The following FAT3 variants were observed in gnomAD, a reference collection of about 807,000 sequenced individuals.
FAT3 encodes the protein protocadherin Fat 3.
In FAT3, 95 loss-of-function variants were observed where a neutral mutation model predicts 310.2. The ratio of observed to expected loss-of-function variants is 0.31; its 90% CI spans 0.26 to 0.36. The LOEUF (loss-of-function observed/expected upper bound fraction) is 0.36, where lower values mean the gene tolerates loss of function less well. Among genes scored for constraint, FAT3 ranks in the 10% least tolerant of loss-of-function variants. FAT3 has a pLI of 1.00. For synonymous variants in FAT3, 2,314 were observed against 2,192.9 expected (o/e 1.06, Z -1.54); for missense variants, 5,408 against 5,715.6 (o/e 0.95, Z 1.74).
intron 3 of FAT3, among the ~76,000 whole-genome samples, chr11:92,532,895 C>T (rs918862843): frequency 3.3e-5 from 5 of 152,066 alleles, no homozygotes; most frequent in African/African-American, 1.2e-4. Flanking sequence ...TCCTTGTGAC[C>T]TCAGGTAGGG....
chr11:92,266,540 G>T (rs1043382229), intron 1 of FAT3, among the ~76,000 whole-genome samples: 3 of 152,046 alleles, frequency 2.0e-5, no homozygotes, highest in Non-Finnish European at 4.4e-5. Flanking sequence ...ATTCTAGCGG[G>T]TATATGTTAT....
chr11:92,432,751 G>A (rs1015747276), intron 2 of FAT3, among the ~76,000 whole-genome samples: 1 of 152,190 alleles, frequency 6.6e-6, no homozygotes, highest in African/African-American at 2.4e-5. Context: ...CTGTCCCTTA[G>A]CTCGAGCACT....
At chr11:92,592,356 C>G (rs868030615) in intron 3 of FAT3, among the ~76,000 whole-genome samples, 2 of 124,998 alleles carry the variant, frequency 1.6e-5, no homozygotes, top group Non-Finnish European at 1.6e-5. Flanking sequence ...GAGTCTCGCT[C>G]TGTCACCCAG....
intron 2 of FAT3, among the ~76,000 whole-genome samples, chr11:92,459,671 A>T (rs538615006): frequency 1.3e-5 from 2 of 152,296 alleles, no homozygotes; most frequent in African/African-American, 4.8e-5. Context: ...ATTTTGGAGC[A>T]GATGGGGTCT....
At chr11:92,678,622 T>C (rs1187547466) in intron 3 of FAT3, among the ~76,000 whole-genome samples, 1 of 152,148 alleles carries the variant, frequency 6.6e-6, no homozygotes, top group East Asian at 1.9e-4. Context: ...ACCAAACTTC[T>C]AATAATGACT....
chr11:92,670,807 A>AT (rs979655331), intron 3 of FAT3, among the ~76,000 whole-genome samples: 1 of 152,222 alleles, frequency 6.6e-6, no homozygotes, highest in African/African-American at 2.4e-5. Flanking sequence ...TTGTCTGGAC[A>AT]TAAAAACACT....
intron 4 of FAT3, among the ~76,000 whole-genome samples, chr11:92,751,203 C>T (rs1262976746): frequency 1.3e-5 from 2 of 152,198 alleles, no homozygotes; most frequent in East Asian, 3.9e-4. Flanking sequence ...TGGTTAGGAG[C>T]ACAGACCCCA....
At chr11:92,558,400 TTATG>T (rs1955096748) in intron 3 of FAT3, among the ~76,000 whole-genome samples, 1 of 78,544 alleles carries the variant, frequency 1.3e-5, no homozygotes, top group Admixed American at 1.5e-4. Context: ...CGTGTTGTGT[TTATG>T]TGTGTGTGTG....
rs138425382 is a variant in FAT3, at chr11:92,368,039, A to T, written c.3292+12635A>T. Among the ~76,000 whole-genome samples the T allele has an allele frequency of 5.9e-5, 9 of 152,370 alleles. No individual in the cohort carries two copies. In the East Asian group the frequency reaches 1.7e-3, roughly 29 times the overall value. ...CAGCAACTTAAAAGTTTGAAAGTCA[A>T]CAAATATGACAGATACCACAAAACT... On this transcript the variant is annotated intron_variant, in intron 2 of 27. Coordinates refer to ENST00000525166, the MANE Select transcript of FAT3 (RefSeq NM_001367949.2).
chr11:92,580,672 A>G lies in FAT3; in HGVS notation c.3607+55724A>G, dbSNP rs185125835. On this transcript the variant is annotated intron_variant, in intron 3 of 27. Transcript: ENST00000525166. ...GTTGGGTGCTTACTAAATATCTATT[A>G]AGTTGGCATCGCCTCCTGCCTCAGT... is the stretch of plus-strand genomic sequence containing the variant. Among the ~76,000 whole-genome samples, 5 of 152,178 alleles carry G rather than the reference A, an allele frequency of 3.3e-5. No homozygotes were observed. The East Asian group carries it at 9.7e-4, about 30-fold the overall frequency.
chr11:92,678,108 C>T (rs1378857898), intron 3 of FAT3, among the ~76,000 whole-genome samples: 1 of 152,142 alleles, frequency 6.6e-6, no homozygotes, highest in Non-Finnish European at 1.5e-5. Context: ...ACAAATCACC[C>T]TGTGCAAATG....
At chr11:92,764,699 CAT>C (rs1946257852) in intron 5 of FAT3, among the ~76,000 whole-genome samples, 178 bp from the exon 6 acceptor site, 1 of 152,202 alleles carries the variant, frequency 6.6e-6, no homozygotes, top group South Asian at 2.1e-4. Flanking sequence ...AAGGTCTGCA[CAT>C]GACTGGGTTG....
chr11:92,672,184 G>A (rs1266618535), intron 3 of FAT3, among the ~76,000 whole-genome samples: 1 of 152,072 alleles, frequency 6.6e-6, no homozygotes, highest in Non-Finnish European at 1.5e-5. Context: ...ATGTTTAACT[G>A]CTAACCAAAC....
At chr11:92,425,706 G>A (rs975205705) in intron 2 of FAT3, among the ~76,000 whole-genome samples, 16 of 152,192 alleles carry the variant, frequency 1.1e-4, no homozygotes, top group African/African-American at 3.1e-4. Context: ...CCCTGCAAAC[G>A]ACATGAACTC....
intron 3 of FAT3, among the ~76,000 whole-genome samples, chr11:92,691,736 C>G (rs1345451507): frequency 2.0e-5 from 3 of 152,084 alleles, no homozygotes; most frequent in African/African-American, 7.2e-5. Context: ...TAACCTCGGG[C>G]AAGTTTATTT....
At chr11:92,376,595 C>G (rs1949353528) in intron 2 of FAT3, among the ~76,000 whole-genome samples, 1 of 152,100 alleles carries the variant, frequency 6.6e-6, no homozygotes, top group South Asian at 2.1e-4. Flanking sequence ...TCATGGGATT[C>G]TTAATAAAGA....
intron 2 of FAT3, among the ~76,000 whole-genome samples, chr11:92,433,412 A>G (rs1316520529): frequency 6.6e-6 from 1 of 152,202 alleles, no homozygotes; most frequent in Non-Finnish European, 1.5e-5. Context: ...GACAGTGGGC[A>G]AAGCGTAGTA....
chr11:92,738,557 C>G (rs1403777104), intron 4 of FAT3, among the ~76,000 whole-genome samples: 1 of 152,180 alleles, frequency 6.6e-6, no homozygotes, highest in Admixed American at 6.5e-5. Context: ...TGCAGGTCCT[C>G]AAGGAGTAAT....
chr11:92,459,106 C>T (rs1692238513), intron 2 of FAT3, among the ~76,000 whole-genome samples: 2 of 152,270 alleles, frequency 1.3e-5, no homozygotes, highest in South Asian at 4.1e-4. Context: ...GGGTGCAATC[C>T]TCATCCATCC....
Sources: allele counts gnomAD v4.1 joint callset (sites outside exome capture counted in the v4.1 genomes callset), GRCh38; gene constraint gnomAD v4.1.1; transcripts MANE v1.5; gene names NCBI Gene and HGNC (gene_info 2026-07-23, HGNC 2026-07-21).